The following PTPRG variants were observed in gnomAD, a reference collection of about 807,000 sequenced individuals.
PTPRG encodes receptor-type tyrosine-protein phosphatase gamma.
PTPRG carries 102 observed loss-of-function variants against 165.3 expected under a neutral mutation model. The observed-to-expected ratio is 0.62, with a 90% CI of 0.53 to 0.73. The LOEUF is 0.73. PTPRG is among the 30% of genes least tolerant of loss of function. The probability of loss-of-function intolerance (pLI) is 0.00; values close to 1 mark genes in which losing one functional copy is unlikely to be tolerated. For missense variants in PTPRG, 1,866 were observed against 1,861.4 expected (o/e 1.00, Z -0.05); for synonymous variants, 675 against 669.5 (o/e 1.01, Z -0.13).
chr3:62,237,589 T>A lies in PTPRG; in HGVS notation c.2376-6218T>A, dbSNP rs1701062798. 6.6e-6 allele frequency among the ~76,000 whole-genome samples: 1 copy of A among 152,226 alleles called. No homozygotes were observed. ...GTGCTCTGTTTTCCCAAGAGTAGAC[T>A]TTATTTTTAAAGAGGTCTTTATCCT... On this transcript the variant is annotated intron_variant, in intron 14 of 29. Transcript: ENST00000474889. The surrounding 1 kb of genome is among the most constrained non-coding windows in gnomAD (Gnocchi z 4.5).
intron 8 of PTPRG, among the ~76,000 whole-genome samples, chr3:62,178,631 G>C (rs116754707): frequency 1.3e-5 from 2 of 152,212 alleles, no homozygotes; most frequent in Non-Finnish European, 2.9e-5. Context: ...AGGCACTCGT[G>C]TCAGGATGCT....
chr3:62,117,196 A>G (rs1177715140), intron 5 of PTPRG, among the ~76,000 whole-genome samples: 1 of 152,206 alleles, frequency 6.6e-6, no homozygotes, highest in African/African-American at 2.4e-5. Context: ...TAAGGAGGCA[A>G]TGAAGCATGC....
chr3:62,026,924 T>A (rs984473440), intron 4 of PTPRG, among the ~76,000 whole-genome samples: 9 of 144,364 alleles, frequency 6.2e-5, no homozygotes, highest in Admixed American at 5.1e-4. Flanking sequence ...TAGATTGTTG[T>A]GTAAAACAAA....
intron 1 of PTPRG, among the ~76,000 whole-genome samples, chr3:61,600,246 G>A (rs1263946105): frequency 5.4e-5 from 8 of 148,428 alleles, no homozygotes; most frequent in Non-Finnish European, 1.0e-4. Context: ...TAGACAAGCA[G>A]GCACACTTTA....
chr3:62,236,858 A>T (rs1472264471), intron 14 of PTPRG, among the ~76,000 whole-genome samples: 1 of 152,196 alleles, frequency 6.6e-6, no homozygotes, highest in Non-Finnish European at 1.5e-5. Context: ...CCTGGATGAG[A>T]ACAATGTGAC....
At chr3:61,828,058 GTAAT>G (rs1260664557) in intron 2 of PTPRG, among the ~76,000 whole-genome samples, 1 of 152,154 alleles carries the variant, frequency 6.6e-6, no homozygotes, top group Admixed American at 6.5e-5. Context: ...TCCACGTACA[GTAAT>G]TAGTTTTTGT....
chr3:61,579,886 C>T (rs974522487), intron 1 of PTPRG, among the ~76,000 whole-genome samples: 4 of 152,144 alleles, frequency 2.6e-5, no homozygotes, highest in Non-Finnish European at 4.4e-5. Context: ...CCTCGAACAA[C>T]ATGGGTTTGA....
intron 2 of PTPRG, among the ~76,000 whole-genome samples, chr3:61,967,482 C>G (rs183163007): frequency 6.6e-6 from 1 of 152,250 alleles, no homozygotes; most frequent in African/African-American, 2.4e-5. Flanking sequence ...AATGGTCTCA[C>G]GCCTCATTTC....
intron 2 of PTPRG, among the ~76,000 whole-genome samples, chr3:61,812,352 C>T (rs1454864560): frequency 1.3e-5 from 2 of 152,078 alleles, no homozygotes; most frequent in African/African-American, 4.8e-5. Flanking sequence ...TATTTATTTT[C>T]CACCTTCTTT....
chr3:61,765,069 C>A (rs1231625410), intron 2 of PTPRG, among the ~76,000 whole-genome samples: 2 of 152,216 alleles, frequency 1.3e-5, no homozygotes, highest in African/African-American at 4.8e-5. Context: ...AGTTGGTCTC[C>A]ATGCTGCTGT....
intron 2 of PTPRG, among the ~76,000 whole-genome samples, chr3:61,803,432 T>C (rs537473375): frequency 7.9e-6 from 1 of 127,314 alleles, no homozygotes; most frequent in African/African-American, 3.1e-5. Context: ...TTGCAATTGC[T>C]TAATTGGCCA....
At chr3:62,242,874 C>T (rs2106949962) in intron 14 of PTPRG, among the ~76,000 whole-genome samples, 1 of 152,180 alleles carries the variant, frequency 6.6e-6, no homozygotes, top group Non-Finnish European at 1.5e-5. Flanking sequence ...GAGGACAGAT[C>T]CCAGTGACAC....
At chr3:62,075,082 A>G (rs1335756315) in intron 4 of PTPRG, among the ~76,000 whole-genome samples, 3 of 152,212 alleles carry the variant, frequency 2.0e-5, no homozygotes, top group East Asian at 1.9e-4. Context: ...TGTCCTTTTT[A>G]TGAGACATTT....
At chr3:61,846,610 A>G (rs1425733051) in intron 2 of PTPRG, among the ~76,000 whole-genome samples, 2 of 152,136 alleles carry the variant, frequency 1.3e-5, no homozygotes, top group Non-Finnish European at 2.9e-5. Context: ...TGGTAAAAGC[A>G]CAGTGAAAGA....
chr3:62,187,019 T>C (rs948528463), intron 8 of PTPRG, among the ~76,000 whole-genome samples: 2 of 152,214 alleles, frequency 1.3e-5, no homozygotes, highest in Non-Finnish European at 1.5e-5. Context: ...TGTTACTCCA[T>C]ATACAACCAA....
chr3:61,824,408 G>A (rs1046118220), intron 2 of PTPRG, among the ~76,000 whole-genome samples: 2 of 152,218 alleles, frequency 1.3e-5, no homozygotes, highest in African/African-American at 4.8e-5. Flanking sequence ...GGTTACTCAT[G>A]TAGGATAGGT....
At chr3:61,618,753 G>C (rs1225641788) in intron 1 of PTPRG, among the ~76,000 whole-genome samples, 2 of 152,064 alleles carry the variant, frequency 1.3e-5, no homozygotes, top group African/African-American at 4.8e-5. Context: ...ACTTTCCAGA[G>C]ACTTTCTGTT....
intron 1 of PTPRG, among the ~76,000 whole-genome samples, chr3:61,563,332 T>G (rs1699817164): frequency 6.6e-6 from 1 of 152,132 alleles, no homozygotes; most frequent in South Asian, 2.1e-4. Context: ...TTGATAAGAA[T>G]AAATCACCGC....
chr3:61,843,962 C>G (rs1219830492), intron 2 of PTPRG, among the ~76,000 whole-genome samples: 1 of 121,880 alleles, frequency 8.2e-6, no homozygotes, highest in Non-Finnish European at 1.6e-5. Context: ...CATTTTACAA[C>G]TCTTTTTTTT....
Sources: allele counts gnomAD v4.1 joint callset (sites outside exome capture counted in the v4.1 genomes callset), GRCh38; gene constraint gnomAD v4.1.1; non-coding constraint Gnocchi (gnomAD v3.1); transcripts MANE v1.5; gene names NCBI Gene and HGNC (gene_info 2026-07-23, HGNC 2026-07-21).